PTPRD: variants seen among roughly 807,000 people sequenced by gnomAD.
PTPRD encodes protein tyrosine phosphatase receptor type D.
A neutral mutation model predicts 214.5 loss-of-function variants in PTPRD; 34 were observed. That is an observed-to-expected ratio of 0.16 (90% CI 0.12 to 0.21). PTPRD has a LOEUF of 0.21. PTPRD is among the 10% of genes least tolerant of loss of function. PTPRD has a pLI of 1.00. For synonymous variants in PTPRD, 1,128 were observed against 845.7 expected (o/e 1.33, Z -5.79); for missense variants, 2,545 against 2,398.7 (o/e 1.06, Z -1.27).
At chr9:9,517,615 A>G (rs1319458544) in intron 8 of PTPRD, among the ~76,000 whole-genome samples, 1 of 152,110 alleles carries the variant, frequency 6.6e-6, no homozygotes, top group Non-Finnish European at 1.5e-5. Flanking sequence ...TGAGATTCCC[A>G]GTGAAACATT....
chr9:8,859,312 A>G (rs1415856894), intron 11 of PTPRD, among the ~76,000 whole-genome samples: 1 of 152,200 alleles, frequency 6.6e-6, no homozygotes, highest in African/African-American at 2.4e-5. Context: ...CTCTTCATCC[A>G]CACAACCCAA....
At chr9:8,865,268 C>T (rs1319901079) in intron 11 of PTPRD, among the ~76,000 whole-genome samples, 2 of 152,164 alleles carry the variant, frequency 1.3e-5, no homozygotes, top group Non-Finnish European at 2.9e-5. Context: ...AAACAAGAAT[C>T]TGTGTTGGAT....
chr9:9,106,683 C>A (rs2099799114), intron 10 of PTPRD, among the ~76,000 whole-genome samples: 1 of 148,512 alleles, frequency 6.7e-6, no homozygotes, highest in Non-Finnish European at 1.5e-5. Context: ...GTATAATTTG[C>A]CAATAGAATT....
At chr9:8,918,546 A>C (rs2098803280) in intron 11 of PTPRD, among the ~76,000 whole-genome samples, 2 of 152,012 alleles carry the variant, frequency 1.3e-5, no homozygotes, top group African/African-American at 4.8e-5. Flanking sequence ...CAGCACTACG[A>C]GAGAGAGAGT....
At chr9:8,328,152 G>A (rs113501806) in intron 44 of PTPRD, among the ~76,000 whole-genome samples, 2 of 152,130 alleles carry the variant, frequency 1.3e-5, no homozygotes, top group South Asian at 4.1e-4. Context: ...GCAGTGGCTG[G>A]TACCAGTTGT....
intron 14 of PTPRD, among the ~76,000 whole-genome samples, chr9:8,540,260 C>G (rs2078059385): frequency 6.6e-6 from 1 of 152,056 alleles, no homozygotes; most frequent in East Asian, 1.9e-4. Context: ...ATTGCTTTCC[C>G]AATTGTGACA....
rs556288656 is a variant in PTPRD at position 10,060,401 on chromosome 9, T to C, written c.-544-26611A>G. On this transcript the variant is annotated intron_variant, in intron 3 of 45. Transcript: ENST00000381196. ...CCCGTTAAAATAACACAACGCTTTC[T>C]ACCTACTCAAAGTGTCATTACTGCC... 4.6e-5 allele frequency among the ~76,000 whole-genome samples: 7 copies of C among 152,206 alleles called. No individual in the cohort carries two copies. The East Asian group carries it at 1.4e-3, about 29-fold the overall frequency.
Position 10,102,746 on chromosome 9 carries a change from A to G in PTPRD, c.-544-68956T>C, listed in dbSNP as rs191238215. Among the ~76,000 whole-genome samples, 118 of 151,772 alleles carry G rather than the reference A, an allele frequency of 7.8e-4. 2 individuals are homozygous for G. In the South Asian group the frequency reaches 0.022, roughly 29 times the overall value. ...TGTCTTCAGTTTACCCAAGTGCTTCAAAATGAGTATAAAGAAAAATTTTCT... is the reference window on the plus strand; with the variant it reads ...TGTCTTCAGTTTACCCAAGTGCTTCGAAATGAGTATAAAGAAAAATTTTCT... On this transcript the variant is annotated intron_variant, in intron 3 of 45. Coordinates refer to ENST00000381196, the MANE Select transcript of PTPRD (RefSeq NM_002839.4).
chr9:8,695,188 C>A (rs991755208), intron 12 of PTPRD, among the ~76,000 whole-genome samples: 1 of 152,128 alleles, frequency 6.6e-6, no homozygotes, highest in Non-Finnish European at 1.5e-5. Flanking sequence ...TATTCAAGAA[C>A]AGAAAAGGAA....
chr9:8,732,937 A>C (rs2098675774), intron 12 of PTPRD, among the ~76,000 whole-genome samples: 1 of 152,238 alleles, frequency 6.6e-6, no homozygotes, highest in Non-Finnish European at 1.5e-5. Context: ...GGTGATTCCC[A>C]AAGAAAATGG....
At position 9,678,943 on chromosome 9, in the gene PTPRD, T is replaced by A. The variant is rs898425241; in HGVS notation, c.-287+55590A>T. Reference sequence around the variant, plus strand: ...ATGCCAGAAAATGAAGTCCACCTTGTGGGAAAATATTTTAAAAAATTAAAT... The same window carrying A: ...ATGCCAGAAAATGAAGTCCACCTTGAGGGAAAATATTTTAAAAAATTAAAT... On this transcript the variant is annotated intron_variant, in intron 7 of 45. Transcript: ENST00000381196. Among the ~76,000 whole-genome samples, 10 of 151,782 alleles carry A rather than the reference T, an allele frequency of 6.6e-5. No individual in the cohort carries two copies. The East Asian group carries it at 1.9e-3, about 29-fold the overall frequency.
intron 11 of PTPRD, among the ~76,000 whole-genome samples, chr9:8,887,682 G>T (rs2098503194): frequency 6.6e-6 from 1 of 152,236 alleles, no homozygotes; most frequent in South Asian, 2.1e-4. Context: ...AAAGAGATGA[G>T]ATTTTTACTT....
intron 5 of PTPRD, among the ~76,000 whole-genome samples, chr9:9,818,993 A>G (rs568297613): frequency 1.1e-4 from 17 of 151,618 alleles, no homozygotes; most frequent in African/African-American, 3.9e-4. Flanking sequence ...AAGATTTATC[A>G]TTTTCTCATT....
At position 8,449,852 on chromosome 9, in the gene PTPRD, T is replaced by C. The variant is rs769134002; in HGVS notation, c.3876-15A>G. 24 of 1,609,048 alleles carry C rather than the reference T, an allele frequency of 1.5e-5. No homozygotes were observed. The highest frequency in any genetic ancestry group is 6.6e-5 in the South Asian group (6 of 90,648). On this transcript the variant is annotated splice_polypyrimidine_tract_variant and intron_variant, in intron 33 of 45. Transcript: ENST00000381196. ...CTGCCCTCTTCCTATAGGGGGAAAA[T>C]AGAAATTTAAGAAGAAAAGAAAAAT...
At chr9:9,848,309 G>T (rs2059921812) in intron 5 of PTPRD, among the ~76,000 whole-genome samples, 1 of 151,992 alleles carries the variant, frequency 6.6e-6, no homozygotes, top group Non-Finnish European at 1.5e-5. Context: ...TTAGCTTGGG[G>T]GTTGTAAATA....
intron 14 of PTPRD, among the ~76,000 whole-genome samples, chr9:8,631,281 G>C (rs755395705): frequency 1.4e-4 from 21 of 151,428 alleles, no homozygotes; most frequent in Non-Finnish European, 3.0e-4. Flanking sequence ...TTGCCTATTA[G>C]ACCATTCCTT....
intron 11 of PTPRD, among the ~76,000 whole-genome samples, chr9:8,815,311 C>T (rs956269064): frequency 6.6e-6 from 1 of 152,052 alleles, no homozygotes; most frequent in Non-Finnish European, 1.5e-5. Flanking sequence ...GAATGGTAGG[C>T]TACTGAAACA....
At chr9:10,213,359 A>C (rs1435222408) in intron 3 of PTPRD, among the ~76,000 whole-genome samples, 1 of 152,096 alleles carries the variant, frequency 6.6e-6, no homozygotes, top group Admixed American at 6.6e-5. Context: ...GAGAGGAAGC[A>C]AACTTTGTGT....
chr9:9,434,710 T>C (rs1588327241), intron 8 of PTPRD, among the ~76,000 whole-genome samples: 1 of 151,830 alleles, frequency 6.6e-6, no homozygotes, highest in Non-Finnish European at 1.5e-5. Context: ...CCCAGAAATA[T>C]ATGTATATAC....
Sources: allele counts gnomAD v4.1 joint callset (sites outside exome capture counted in the v4.1 genomes callset), GRCh38; gene constraint gnomAD v4.1.1; transcripts MANE v1.5; gene names NCBI Gene and HGNC (gene_info 2026-07-23, HGNC 2026-07-21).